ABLIM1: variants seen among roughly 807,000 people sequenced by gnomAD.
ABLIM1 encodes actin binding LIM protein 1.
ABLIM1 carries 40 observed loss-of-function variants against 107.0 expected under a neutral mutation model. That is an observed-to-expected ratio of 0.37 (90% confidence interval 0.29 to 0.49). The LOEUF is 0.49. Ranked by LOEUF, ABLIM1 falls within the 20% of genes least tolerant of loss-of-function variation. ABLIM1 has a pLI of 0.97. For synonymous variants in ABLIM1, 357 were observed against 357.3 expected, an observed-to-expected ratio of 1.00 and a Z score of 0.01; for missense variants, 857 against 1,008.5, an observed-to-expected ratio of 0.85 and a Z score of 2.04.
chr10:114,751,262 G>A (rs1452304819), intron 1 of ABLIM1, among the ~76,000 whole-genome samples: 1 of 151,788 alleles, frequency 6.6e-6, no homozygotes, highest in Non-Finnish European at 1.5e-5. Context: ...CCATACAAAA[G>A]ATGTAAGTCT....
intron 1 of ABLIM1, among the ~76,000 whole-genome samples, chr10:114,650,833 C>T (rs905457667): frequency 6.6e-6 from 1 of 152,194 alleles, no homozygotes; most frequent in African/African-American, 2.4e-5. Flanking sequence ...TTCAACTTCT[C>T]ACACATTTGG....
At chr10:114,539,358 AAAC>A (rs56218475) in intron 6 of ABLIM1, among the ~76,000 whole-genome samples, 16 of 151,974 alleles carry the variant, frequency 1.1e-4, no homozygotes, top group Admixed American at 6.5e-4. Flanking sequence ...ACTCTGTCTC[AAAC>A]AACAACAACA....
chr10:114,684,041 C>CA (rs1357468475), intron 1 of ABLIM1, among the ~76,000 whole-genome samples: 1 of 152,070 alleles, frequency 6.6e-6, no homozygotes, highest in African/African-American at 2.4e-5. Context: ...GCTACTGCTA[C>CA]AAAAGAGTCA....
chr10:114,602,597 T>G (rs1040719754), intron 1 of ABLIM1, among the ~76,000 whole-genome samples: 1 of 152,218 alleles, frequency 6.6e-6, no homozygotes, highest in Non-Finnish European at 1.5e-5. Context: ...TCCCATTATG[T>G]GCATAGTGTC....
intron 19 of ABLIM1, chr10:114,440,737 A>G (rs556244054): frequency 3.8e-6 from 2 of 522,536 alleles, no homozygotes; most frequent in African/African-American, 1.9e-5. Flanking sequence ...TTGGGATTGC[A>G]GGCATGAGCC....
upstream of ABLIM1, among the ~76,000 whole-genome samples, chr10:114,686,405 C>G (rs1399971070): frequency 1.3e-5 from 2 of 151,732 alleles, no homozygotes; most frequent in African/African-American, 4.8e-5. Context: ...CCTAGCTACT[C>G]AGGAGGCTGA....
At chr10:114,675,966 A>C (rs1179548285) in intron 1 of ABLIM1, among the ~76,000 whole-genome samples, 1 of 152,022 alleles carries the variant, frequency 6.6e-6, no homozygotes, top group Non-Finnish European at 1.5e-5. Flanking sequence ...ACGACATCTC[A>C]TGTTAGGTTA....
intron 1 of ABLIM1, among the ~76,000 whole-genome samples, chr10:114,726,653 G>C (rs1487157798): frequency 6.6e-6 from 1 of 152,108 alleles, no homozygotes; most frequent in Non-Finnish European, 1.5e-5. Context: ...GTGGTGGCGG[G>C]CAACTGTAAT....
At chr10:114,642,669 G>T (rs935653962) in intron 1 of ABLIM1, among the ~76,000 whole-genome samples, 14 of 152,208 alleles carry the variant, frequency 9.2e-5, no homozygotes, top group African/African-American at 3.1e-4. Flanking sequence ...AGAGACAGCT[G>T]AATTCACAGA....
intron 1 of ABLIM1, among the ~76,000 whole-genome samples, chr10:114,610,881 C>T (rs974503989): frequency 5.9e-5 from 9 of 152,108 alleles, no homozygotes; most frequent in Non-Finnish European, 8.8e-5. Context: ...TGGCCGGGTG[C>T]GGTGGCTCAT....
intron 8 of ABLIM1, among the ~76,000 whole-genome samples, chr10:114,479,467 TC>T (rs1392238369): frequency 6.6e-6 from 1 of 152,158 alleles, no homozygotes; most frequent in Non-Finnish European, 1.5e-5. Flanking sequence ...CAGATAGCCT[TC>T]CCCTCCTTGA....
At chr10:114,727,129 A>T (rs2081976817) in intron 1 of ABLIM1, among the ~76,000 whole-genome samples, 1 of 152,224 alleles carries the variant, frequency 6.6e-6, no homozygotes, top group Admixed American at 6.5e-5. Flanking sequence ...AGGCTCATTT[A>T]ATCTCCCTGC....
intron 7 of ABLIM1, among the ~76,000 whole-genome samples, chr10:114,489,927 G>A (rs919210271): frequency 6.6e-6 from 1 of 152,202 alleles, no homozygotes; most frequent in African/African-American, 2.4e-5. Flanking sequence ...TAGCCCGAAT[G>A]TGCTGCATTT....
intron 1 of ABLIM1, among the ~76,000 whole-genome samples, chr10:114,611,503 A>AT (rs2076808868): frequency 6.6e-6 from 1 of 151,958 alleles, no homozygotes; most frequent in South Asian, 2.1e-4. Flanking sequence ...GATACTTCTG[A>AT]TACTTGATTT....
At chr10:114,744,863 T>G (rs2082351694) in intron 1 of ABLIM1, among the ~76,000 whole-genome samples, 1 of 151,964 alleles carries the variant, frequency 6.6e-6, no homozygotes, top group South Asian at 2.1e-4. Flanking sequence ...TGCCCTGACA[T>G]AAGGACTCGG....
At chr10:114,570,797 C>T (rs540403517) in intron 4 of ABLIM1, among the ~76,000 whole-genome samples, 3 of 151,838 alleles carry the variant, frequency 2.0e-5, no homozygotes, top group Non-Finnish European at 2.9e-5. Context: ...TTTGTAGAGA[C>T]GGGATTTTGT....
At chr10:114,495,034 T>A (rs1180335299) in intron 6 of ABLIM1, among the ~76,000 whole-genome samples, 1 of 152,154 alleles carries the variant, frequency 6.6e-6, no homozygotes, top group Non-Finnish European at 1.5e-5. Context: ...AGGACACACA[T>A]GTATATGTAT....
intron 6 of ABLIM1, among the ~76,000 whole-genome samples, chr10:114,500,429 C>T (rs12765701): frequency 0.15 from 22,917 of 151,952 alleles, 1,958 homozygotes; most frequent in Middle Eastern, 0.21. Context: ...GGCCAAAGTG[C>T]GATGGTTTGT....
chr10:114,678,417 C>T (rs1050810719), intron 1 of ABLIM1, among the ~76,000 whole-genome samples: 3 of 152,176 alleles, frequency 2.0e-5, no homozygotes, highest in African/African-American at 4.8e-5. Flanking sequence ...TTTGAAACCA[C>T]GGATTCTTTT....
Sources: gnomAD v4.1 joint callset for allele counts (sites outside exome capture counted in the v4.1 genomes callset) on GRCh38, gnomAD v4.1.1 for gene constraint, MANE v1.5 for transcripts, NCBI Gene and HGNC (gene_info 2026-07-23, HGNC 2026-07-21) for gene names.